The following CAGE1 variants were observed in gnomAD, a reference collection of about 807,000 sequenced individuals.
CAGE1 encodes cancer-associated gene 1 protein.
In CAGE1, 66 loss-of-function variants were observed where a neutral mutation model predicts 94.9. The ratio of observed to expected loss-of-function variants is 0.70; its 90% CI spans 0.57 to 0.85. The LOEUF (loss-of-function observed/expected upper bound fraction) is 0.85. Ranked by LOEUF, CAGE1 falls within the 40% of genes least tolerant of loss-of-function variation. The pLI is 0.00. For missense variants in CAGE1, 865 were observed against 950.4 expected, an observed-to-expected ratio of 0.91 and a Z score of 1.18; for synonymous variants, 319 against 321.0, an observed-to-expected ratio of 0.99 and a Z score of 0.07.
At chr6:7,375,470 C>T (rs925159316) in intron 4 of CAGE1, among the ~76,000 whole-genome samples, 4 of 152,128 alleles carry the variant, frequency 2.6e-5, no homozygotes, top group Non-Finnish European at 5.9e-5. Context: ...GGCACAGTGG[C>T]TCATACCTGT....
At chr6:7,348,706 A>C (rs1759655333) in intron 11 of CAGE1, among the ~76,000 whole-genome samples, 1 of 152,154 alleles carries the variant, frequency 6.6e-6, no homozygotes, top group Non-Finnish European at 1.5e-5. Flanking sequence ...AAGGAAATAG[A>C]TAGCATAAAG....
At chr6:7,382,389 C>T (rs930530677) in intron 3 of CAGE1, among the ~76,000 whole-genome samples, 2 of 151,854 alleles carry the variant, frequency 1.3e-5, no homozygotes, top group African/African-American at 4.8e-5. Flanking sequence ...GCAACCTTCG[C>T]CTCCCGGATT....
chr6:7,365,778 T>C lies in CAGE1; in HGVS notation c.2085+26A>G, dbSNP rs915587341. On this transcript the variant is annotated intron_variant, in intron 8 of 13. Coordinates refer to ENST00000502583, the MANE Select transcript of CAGE1 (RefSeq NM_001170692.2). ...AAATTGTATATTTTTATGTTAAAGATAGTACGTAGTAAATATTAAGCTCAC... is the reference window on the plus strand; with the variant it reads ...AAATTGTATATTTTTATGTTAAAGACAGTACGTAGTAAATATTAAGCTCAC... 6 of 1,395,238 alleles carry C rather than the reference T, an allele frequency of 4.3e-6. No individual in the cohort carries two copies. The African/African-American group carries it at 4.4e-5, about 10-fold the overall frequency. The allele number at this position is 1,395,238 out of a possible 1,614,324, so 86.4% of individuals were successfully genotyped here.
chr6:7,341,284 TA>T, intron 11 of CAGE1: 1 of 664,508 alleles, frequency 1.5e-6, no homozygotes. Context: ...GTGGTGGGTG[TA>T]AACAGAGTAC....
rs1443971235 is a variant in CAGE1 at position 7,369,912 on chromosome 6, T to A, written c.1893+7A>T. On this transcript the variant is annotated splice_region_variant and intron_variant, in intron 6 of 13. Transcript: ENST00000502583. ...TACTAAAATATCTAATATATATGTT[T>A]TATTACCTGGCATGTGAGAAGTCCC... 1.9e-6 allele frequency: 3 copies of A among 1,605,716 alleles called. No homozygotes were observed. Among genetic ancestry groups the A allele is most frequent in the Non-Finnish European group, 2.5e-6 (3 of 1,177,646 alleles).
chr6:7,344,750 G>T (rs1759362965), intron 11 of CAGE1, among the ~76,000 whole-genome samples: 1 of 152,242 alleles, frequency 6.6e-6, no homozygotes, highest in African/African-American at 2.4e-5. Context: ...TCAGCACTCT[G>T]TATCTAGCTC....
At chr6:7,335,866 C>T (rs1435596741) in intron 11 of CAGE1, among the ~76,000 whole-genome samples, 1 of 152,218 alleles carries the variant, frequency 6.6e-6, no homozygotes, top group African/African-American at 2.4e-5. Context: ...CATGAGCCAC[C>T]ATGCTCAGCC....
intron 1 of CAGE1, among the ~76,000 whole-genome samples, chr6:7,387,833 C>CGTTA: frequency 7.0e-6 from 1 of 142,876 alleles, no homozygotes; most frequent in Middle Eastern, 3.7e-3. Context: ...TCCTGGCTAA[C>CGTTA]ACGGTGAAAC....
intron 11 of CAGE1, chr6:7,341,330 G>C: frequency 1.4e-6 from 1 of 692,008 alleles, no homozygotes; most frequent in Non-Finnish European, 2.6e-6. Flanking sequence ...AATCCTTACT[G>C]GTGTCCCAGA....
At chr6:7,333,298 T>C (rs1758818482) in intron 12 of CAGE1, among the ~76,000 whole-genome samples, 1 of 152,168 alleles carries the variant, frequency 6.6e-6, no homozygotes, top group South Asian at 2.1e-4. Flanking sequence ...CGCATACATC[T>C]TGTAGCATCA....
intron 4 of CAGE1, among the ~76,000 whole-genome samples, chr6:7,375,440 C>T (rs1021275345): frequency 2.0e-5 from 3 of 151,668 alleles, no homozygotes; most frequent in Non-Finnish European, 2.9e-5. Context: ...ACAAAAAAAA[C>T]AAAAACAAAA....
intron 11 of CAGE1, among the ~76,000 whole-genome samples, chr6:7,344,239 G>A (rs943631440): frequency 6.6e-6 from 1 of 152,036 alleles, no homozygotes. Flanking sequence ...AGCGGGAACC[G>A]GGGCTGGGCG....
intron 9 of CAGE1, among the ~76,000 whole-genome samples, chr6:7,360,104 C>G (rs1347117926): frequency 6.6e-6 from 1 of 152,166 alleles, no homozygotes; most frequent in Non-Finnish European, 1.5e-5. Context: ...CTTTAGTAGT[C>G]AAATCTCCCT....
chr6:7,344,769 T>C (rs891907073), intron 11 of CAGE1, among the ~76,000 whole-genome samples: 19 of 152,222 alleles, frequency 1.2e-4, no homozygotes, highest in Non-Finnish European at 2.5e-4. Flanking sequence ...TCAAGGTTTG[T>C]AAACACACCA....
chr6:7,370,071 T>C lies in CAGE1; in HGVS notation c.1747-6A>G, dbSNP rs1760489871. 1 of 1,585,990 alleles carries C rather than the reference T, an allele frequency of 6.3e-7. No homozygotes were observed. The highest frequency in any genetic ancestry group is 1.4e-5 in the African/African-American group (1 of 73,290). On this transcript the variant is annotated splice_region_variant and splice_polypyrimidine_tract_variant and intron_variant, in intron 5 of 13. Coordinates refer to ENST00000502583, the MANE Select transcript of CAGE1 (RefSeq NM_001170692.2). ...GAATGTGTCGTTTTTGTATCCTACA[T>C]GCACGTAATTCAGATTTGTCAAAAT...
intron 5 of CAGE1, among the ~76,000 whole-genome samples, chr6:7,371,478 G>A (rs915612855): frequency 6.6e-6 from 1 of 152,084 alleles, no homozygotes; most frequent in Non-Finnish European, 1.5e-5. Flanking sequence ...CTCAGTTCAA[G>A]TTATTAAAAC....
At chr6:7,331,319 C>A in intron 12 of CAGE1, 1 of 1,015,384 alleles carries the variant, frequency 9.8e-7, no homozygotes, top group Non-Finnish European at 1.4e-6. Context: ...AAGCAACCAT[C>A]AAACAAAAGA....
At chr6:7,375,816 T>A (rs1401488195) in intron 4 of CAGE1, among the ~76,000 whole-genome samples, 1 of 152,238 alleles carries the variant, frequency 6.6e-6, no homozygotes, top group Non-Finnish European at 1.5e-5. Context: ...GTATTTTGTT[T>A]TTTGAGCTCA....
At chr6:7,364,506 T>G (rs1399026441) in intron 9 of CAGE1, among the ~76,000 whole-genome samples, 1 of 152,190 alleles carries the variant, frequency 6.6e-6, no homozygotes, top group Non-Finnish European at 1.5e-5. Flanking sequence ...TCTTACTCTG[T>G]CACTCAGGCT....
Sources: gnomAD v4.1 joint callset for allele counts (sites outside exome capture counted in the v4.1 genomes callset) on GRCh38, gnomAD v4.1.1 for gene constraint, MANE v1.5 for transcripts, NCBI Gene and HGNC (gene_info 2026-07-23, HGNC 2026-07-21) for gene names.